Variants in CADM2 observed in about 807,000 individuals in gnomAD.
CADM2 encodes the protein immunoglobulin superfamily member 4D.
In CADM2, 12 loss-of-function variants were observed where a neutral mutation model predicts 49.8. The ratio of observed to expected loss-of-function variants is 0.24; its 90% CI spans 0.15 to 0.39. CADM2 has a LOEUF of 0.39. Ranked by LOEUF, CADM2 falls within the 10% of genes least tolerant of loss-of-function variation. CADM2 has a pLI of 1.00. For missense variants in CADM2, 378 were observed against 492.3 expected, an observed-to-expected ratio of 0.77 and a Z score of 2.20; for synonymous variants, 214 against 175.4, an observed-to-expected ratio of 1.22 and a Z score of -1.74.
chr3:85,293,871 A>C (rs1480382025), intron 1 of CADM2, among the ~76,000 whole-genome samples: 1 of 151,198 alleles, frequency 6.6e-6, no homozygotes, highest in East Asian at 1.9e-4. Flanking sequence ...CCCTTTGAAA[A>C]CTGGCACAAG....
chr3:85,959,931 C>A (rs1223327410), intron 7 of CADM2, among the ~76,000 whole-genome samples: 2 of 151,844 alleles, frequency 1.3e-5, no homozygotes, highest in Admixed American at 6.6e-5. Context: ...AGTTAAGTAG[C>A]ATATGACTGT....
intron 1 of CADM2, among the ~76,000 whole-genome samples, chr3:85,331,013 G>A (rs983621235): frequency 2.6e-5 from 4 of 152,034 alleles, no homozygotes; most frequent in African/African-American, 9.7e-5. Context: ...ATATATAATA[G>A]CTGTGCATAT....
intron 1 of CADM2, among the ~76,000 whole-genome samples, chr3:85,693,205 C>A (rs1007559940): frequency 6.7e-6 from 1 of 148,572 alleles, no homozygotes; most frequent in African/African-American, 2.5e-5. Flanking sequence ...GTCTAGATTG[C>A]GCCACTGCAC....
At chr3:85,714,302 G>A (rs780387617) in intron 1 of CADM2, among the ~76,000 whole-genome samples, 14 of 151,762 alleles carry the variant, frequency 9.2e-5, no homozygotes, top group Non-Finnish European at 1.8e-4. Context: ...AACACAATAG[G>A]CCAGATCAAC....
At chr3:85,091,489 G>A (rs1394655911) in intron 1 of CADM2, among the ~76,000 whole-genome samples, 15 of 151,916 alleles carry the variant, frequency 9.9e-5, no homozygotes, top group African/African-American at 3.4e-4. Flanking sequence ...CTATTATGAA[G>A]ATAAAAATAG....
chr3:85,109,804 A>G (rs141374350), intron 1 of CADM2, among the ~76,000 whole-genome samples: 45 of 152,160 alleles, frequency 3.0e-4, no homozygotes, highest in African/African-American at 1.0e-3. Context: ...TTGGTTCACC[A>G]TGTATAATCA....
At chr3:85,497,228 T>G (rs900511580) in intron 1 of CADM2, among the ~76,000 whole-genome samples, 1 of 152,148 alleles carries the variant, frequency 6.6e-6, no homozygotes, top group African/African-American at 2.4e-5. Context: ...TCTTATAGAT[T>G]CTGAATATTA....
intron 8 of CADM2, among the ~76,000 whole-genome samples, chr3:86,003,847 C>G (rs1424405546): frequency 6.6e-6 from 1 of 152,102 alleles, no homozygotes; most frequent in African/African-American, 2.4e-5. Flanking sequence ...GGGGGTGGCC[C>G]AAAGCATTTT....
In CADM2 at chr3:85,332,231, A is replaced by C. The variant is rs1013634129; in HGVS notation, c.61+372563A>C. On this transcript the variant is annotated intron_variant, in intron 1 of 9. Coordinates refer to ENST00000383699, the MANE Select transcript of CADM2 (RefSeq NM_001167675.2). Reference sequence around the variant, plus strand: ...TAGTCAATAGTGGAATATTAGATGCAAGCTGAATTTTTACTGTTGGATCCT... The same window carrying C: ...TAGTCAATAGTGGAATATTAGATGCCAGCTGAATTTTTACTGTTGGATCCT... Among the ~76,000 whole-genome samples the C allele has an allele frequency of 2.0e-5, 3 of 152,206 alleles. No homozygotes were observed. The East Asian group carries it at 5.8e-4, about 29-fold the overall frequency.
intron 1 of CADM2, among the ~76,000 whole-genome samples, chr3:85,529,108 G>C (rs1486475025): frequency 6.6e-6 from 1 of 152,074 alleles, no homozygotes; most frequent in Non-Finnish European, 1.5e-5. Context: ...TGTGGTCAAG[G>C]TCAGATATAA....
chr3:84,966,091 G>T (rs927138466), intron 1 of CADM2, among the ~76,000 whole-genome samples: 1 of 152,134 alleles, frequency 6.6e-6, no homozygotes, highest in Non-Finnish European at 1.5e-5. Flanking sequence ...ACTAAGTAGT[G>T]AGCCCAGTTG....
chr3:85,318,835 TA>T (rs2044532054), intron 1 of CADM2, among the ~76,000 whole-genome samples: 1 of 152,160 alleles, frequency 6.6e-6, no homozygotes, highest in Non-Finnish European at 1.5e-5. Context: ...AAGTTTCCAT[TA>T]AAATATCCAA....
rs184819663 is a variant in CADM2 at position 86,062,157 on chromosome 3, A to G, written c.971-3448A>G. ...AACAAAAATGATTTCTAAGTTCTCT[A>G]AAAGAGTGCCCAGTTCTGCAAGATA... On this transcript the variant is annotated intron_variant, in intron 8 of 9. Coordinates refer to ENST00000383699, the MANE Select transcript of CADM2 (RefSeq NM_001167675.2). Among the ~76,000 whole-genome samples, 17 of 152,216 alleles carry G rather than the reference A, an allele frequency of 1.1e-4. 1 individual carries two copies. In the East Asian group the frequency reaches 2.1e-3, roughly 19 times the overall value.
In CADM2 at chr3:85,182,387, A is replaced by G. The variant is rs2107706813; in HGVS notation, c.61+222719A>G. On this transcript the variant is annotated intron_variant, in intron 1 of 9. Transcript: ENST00000383699. Reference sequence around the variant, plus strand: ...ATACCATGTTGGCATCTTGTACCCCATAATATAATGAGATATGCTATGATA... The same window carrying G: ...ATACCATGTTGGCATCTTGTACCCCGTAATATAATGAGATATGCTATGATA... Among the ~76,000 whole-genome samples, 3 of 152,204 alleles carry G rather than the reference A, an allele frequency of 2.0e-5. No individual in the cohort carries two copies. In the South Asian group the frequency reaches 6.2e-4, roughly 32 times the overall value.
At chr3:86,064,129 A>T (rs1437531051) in intron 8 of CADM2, among the ~76,000 whole-genome samples, 1 of 151,858 alleles carries the variant, frequency 6.6e-6, no homozygotes, top group Non-Finnish European at 1.5e-5. Context: ...ATATGTATAC[A>T]TGTGCCATGT....
At chr3:85,460,735 T>G (rs7612013) in intron 1 of CADM2, among the ~76,000 whole-genome samples, 7,097 of 150,690 alleles carry the variant, frequency 0.047, 564 homozygotes, top group African/African-American at 0.16. Context: ...GGAGATGTGG[T>G]GTGTGTGTGT....
In CADM2 at chr3:85,423,113, C is replaced by A. The variant is rs537274580; in HGVS notation, c.62-303409C>A. Among the ~76,000 whole-genome samples, 4 of 151,996 alleles carry A rather than the reference C, an allele frequency of 2.6e-5. No individual in the cohort carries two copies. The South Asian group carries it at 8.3e-4, about 32-fold the overall frequency. On this transcript the variant is annotated intron_variant, in intron 1 of 9. Transcript: ENST00000383699. ...ATGGAGTGGGAAAATGATCTTCCCC[C>A]GGAGTTCGGCCATCCTAAGGCAGAT...
intron 7 of CADM2, among the ~76,000 whole-genome samples, chr3:85,942,132 G>A (rs1481435098): frequency 6.6e-6 from 1 of 151,814 alleles, no homozygotes; most frequent in Non-Finnish European, 1.5e-5. Context: ...TAGCATTGAT[G>A]TTTTTCACAA....
At chr3:85,287,115 C>T (rs1448401385) in intron 1 of CADM2, among the ~76,000 whole-genome samples, 2 of 152,074 alleles carry the variant, frequency 1.3e-5, no homozygotes, top group Non-Finnish European at 2.9e-5. Flanking sequence ...TGCAATCCTA[C>T]TTTTAATTGA....
Sources: allele counts gnomAD v4.1 joint callset (sites outside exome capture counted in the v4.1 genomes callset), GRCh38; gene constraint gnomAD v4.1.1; transcripts MANE v1.5; gene names NCBI Gene and HGNC (gene_info 2026-07-23, HGNC 2026-07-21).